Variants in COX20 observed in about 807,000 individuals in gnomAD.
COX20 encodes cytochrome c oxidase assembly factor COX20.
COX20 carries 14 observed loss-of-function variants against 14.3 expected under a neutral mutation model. The ratio of observed to expected loss-of-function variants is 0.98; its 90% CI spans 0.65 to 1.53. The LOEUF (loss-of-function observed/expected upper bound fraction) is 1.53. Among genes scored for constraint, COX20 ranks in the 40% most tolerant of loss-of-function variants. The pLI, the probability that COX20 is intolerant of heterozygous loss-of-function variation, is 0.00. For synonymous variants in COX20, 56 were observed against 51.7 expected, an observed-to-expected ratio of 1.08 and a Z score of -0.36; for missense variants, 149 against 142.1, an observed-to-expected ratio of 1.05 and a Z score of -0.25.
At chr1:244,841,790 A>G in intron 1 of COX20, 154 bp from the exon 2 acceptor site, 1 of 577,600 alleles carries the variant, frequency 1.7e-6, no homozygotes, top group Non-Finnish European at 3.1e-6. Flanking sequence ...AAGGTGGACA[A>G]AGACAACGCA....
chr1:244,835,773 C>T lies in COX20; in HGVS notation c.42+17C>T, dbSNP rs1679955827. 4.2e-6 allele frequency: 5 copies of T among 1,188,842 alleles called. No homozygotes were observed. Among genetic ancestry groups the T allele is most frequent in the Non-Finnish European group, 1.0e-6 (1 of 959,654 alleles). The allele number at this position is 1,188,842 out of a possible 1,614,324, so 73.6% of individuals were successfully genotyped here. A position where few individuals can be genotyped will look rare whatever the true frequency, so the allele number is the denominator to read the frequency against. ...GAGAGGAAGGTAACCTGGGGGTCGG[C>T]GGGGCGCGCGCCGCGGGTGGGCGGT... is the stretch of plus-strand genomic sequence containing the variant. On this transcript the variant is annotated intron_variant, in intron 1 of 3. Coordinates refer to ENST00000411948, the MANE Select transcript of COX20 (RefSeq NM_198076.6).
chr1:244,836,532 T>G, intron 1 of COX20: 1 of 1,549,246 alleles, frequency 6.5e-7, no homozygotes, highest in South Asian at 1.2e-5. Context: ...TAATAAATGA[T>G]CTTGTTTTCC....
At chr1:244,839,416 GC>G (rs1379202555) in intron 1 of COX20, among the ~76,000 whole-genome samples, 2 of 151,482 alleles carry the variant, frequency 1.3e-5, no homozygotes, top group African/African-American at 4.8e-5. Context: ...CTAAATCTAA[GC>G]TTAAAAAATG....
rs950560607 is a variant in COX20 at position 244,844,138 on chromosome 1, T to C, written c.*962T>C. 7 of 152,208 alleles carry C rather than the reference T, an allele frequency of 4.6e-5. No homozygotes were observed. Among genetic ancestry groups the C allele is most frequent in the African/African-American group, 1.7e-4 (7 of 41,444 alleles). 9.4% of individuals were successfully genotyped at this position (152,208 alleles called of 1,614,324 possible). On this transcript the variant is annotated 3_prime_UTR_variant, in exon 4 of 4. Coordinates refer to ENST00000411948, the MANE Select transcript of COX20 (RefSeq NM_198076.6). ...CTGGTCCTATTATTTTGATGTACCA[T>C]GGAAGGCACAGAAATCGAGCAAGGA...
intron 1 of COX20, among the ~76,000 whole-genome samples, 198 bp downstream of exon 1, chr1:244,835,954 T>G (rs1199125343): frequency 1.3e-5 from 2 of 152,060 alleles, no homozygotes; most frequent in African/African-American, 4.8e-5. Context: ...TGACCAAAAC[T>G]AGGGGGAGGA....
upstream of COX20, chr1:244,835,612 GGCGGCGGCGC>G: frequency 2.2e-6 from 2 of 908,246 alleles, no homozygotes; most frequent in Non-Finnish European, 2.9e-6. Flanking sequence ...CAGGGCGGGA[GGCGGCGGCGC>G]GTGGGGGCGG....
Position 244,843,433 on chromosome 1 carries a change from T to C in COX20, c.*257T>C. On this transcript the variant is annotated 3_prime_UTR_variant, in exon 4 of 4. Coordinates refer to ENST00000411948, the MANE Select transcript of COX20 (RefSeq NM_198076.6). ...ATTTATTGGCAGTGTGGCAAAGAAT[T>C]ATAAAACATAGTGTTTAATGTACTT... 1 of 414,038 alleles carries C rather than the reference T, an allele frequency of 2.4e-6. No individual in the cohort carries two copies. The highest frequency in any genetic ancestry group is 4.5e-5 in the Admixed American group (1 of 22,338). The allele number at this position is 414,038 out of a possible 1,614,324, so 25.6% of individuals were successfully genotyped here. A position where few individuals can be genotyped will look rare whatever the true frequency, so the allele number is the denominator to read the frequency against.
chr1:244,838,024 C>A (rs561718583), intron 1 of COX20, among the ~76,000 whole-genome samples: 70 of 148,960 alleles, frequency 4.7e-4, no homozygotes, highest in Middle Eastern at 3.4e-3. Context: ...CTTCCCAATT[C>A]AAAAAAAAAA....
chr1:244,835,900 AT>A (rs1306214164), intron 1 of COX20, 144 bp downstream of exon 1: 1 of 612,978 alleles, frequency 1.6e-6, no homozygotes, highest in Non-Finnish European at 2.4e-6. Flanking sequence ...CCTAGTCCTT[AT>A]CCCAAGCCTC....
intron 3 of COX20, 69 bp downstream of exon 3, chr1:244,842,327 C>CT: frequency 9.5e-7 from 1 of 1,054,582 alleles, no homozygotes; most frequent in African/African-American, 1.6e-5. Flanking sequence ...AGCACATGCT[C>CT]TTTTCAGAGC....
At chr1:244,839,109 T>C (rs1680095280) in intron 1 of COX20, among the ~76,000 whole-genome samples, 1 of 151,460 alleles carries the variant, frequency 6.6e-6, no homozygotes, top group Admixed American at 6.6e-5. Flanking sequence ...TAGTAAATTA[T>C]TGCAAGTGAA....
chr1:244,836,860 G>C (rs1680005400), intron 1 of COX20, among the ~76,000 whole-genome samples: 1 of 151,662 alleles, frequency 6.6e-6, no homozygotes, highest in Non-Finnish European at 1.5e-5. Context: ...TGTATAAATT[G>C]TTTTCATACT....
intron 1 of COX20, among the ~76,000 whole-genome samples, chr1:244,836,216 T>G (rs948079197): frequency 2.0e-5 from 3 of 152,158 alleles, no homozygotes; most frequent in African/African-American, 7.2e-5. Context: ...GGTTAAGATT[T>G]CTTCCCCATC....
Position 244,835,743 on chromosome 1 carries a change from C to A in COX20, c.29C>A (p.Pro10His). MAAPPEPGEPEERKSLKLLG... is the reference protein window; with the variant it reads MAAPPEPGEHEERKSLKLLG... ...GCCGCCCCGCCGGAGCCCGGTGAGC[C>A]CGAGGAGAGGAAGGTAACCTGGGGG... Residue 10 changes from proline (P) to histidine (H), a missense_variant, in exon 1 of 4, where the codon CCC becomes CAC. By Grantham distance (77) the Pro-to-His change is moderately conservative. Transcript: ENST00000411948. 7.8e-7 allele frequency: 1 copy of A among 1,274,032 alleles called. No individual in the cohort carries two copies. The highest frequency in any genetic ancestry group is 2.8e-5 in the South Asian group (1 of 35,806). 78.9% of individuals were successfully genotyped at this position (1,274,032 alleles called of 1,614,324 possible).
At chr1:244,835,788 G>T (rs1679956255) in intron 1 of COX20, 32 bp downstream of exon 1, 1 of 1,247,120 alleles carries the variant, frequency 8.0e-7, no homozygotes. Context: ...CGCGCGCCGC[G>T]GGTGGGCGGT....
chr1:244,842,478 C>G (rs1339242208), intron 3 of COX20: 2 of 514,788 alleles, frequency 3.9e-6, no homozygotes, highest in Admixed American at 3.3e-5. Flanking sequence ...TTACACTTCA[C>G]TTAGGAAAGC....
intron 1 of COX20, 100 bp downstream of exon 1, chr1:244,835,856 T>G: frequency 1.2e-6 from 1 of 822,510 alleles, no homozygotes; most frequent in Non-Finnish European, 1.6e-6. Flanking sequence ...CTGGCTTCTC[T>G]GCCACCCATG....
At chr1:244,840,690 T>G (rs1680166785) in intron 1 of COX20, 1 of 152,228 alleles carries the variant, frequency 6.6e-6, no homozygotes, top group South Asian at 2.1e-4. Flanking sequence ...ATTTTGTCTC[T>G]TCCAACAGAT....
At chr1:244,840,029 G>T (rs762836388) in intron 1 of COX20, 1 of 152,174 alleles carries the variant, frequency 6.6e-6, no homozygotes, top group Non-Finnish European at 1.5e-5. Context: ...TTAGACCAGA[G>T]TTTTGTTGGG....
Sources: allele counts gnomAD v4.1 joint callset (sites outside exome capture counted in the v4.1 genomes callset), GRCh38; gene constraint gnomAD v4.1.1; transcripts MANE v1.5; gene names NCBI Gene and HGNC (gene_info 2026-07-23, HGNC 2026-07-21).